KIRREL3: variants seen among roughly 807,000 people sequenced by gnomAD.
The protein encoded by KIRREL3 is kin of IRRE-like protein 3.
KIRREL3 carries 36 observed loss-of-function variants against 89.7 expected under a neutral mutation model. That is an observed-to-expected ratio of 0.40 (90% CI 0.31 to 0.53). The LOEUF is 0.53. Among genes scored for constraint, KIRREL3 ranks in the 20% least tolerant of loss-of-function variants. The pLI, the probability that KIRREL3 is intolerant of heterozygous loss-of-function variation, is 0.49. For synonymous variants in KIRREL3, 445 were observed against 441.4 expected (o/e 1.01, Z -0.10); for missense variants, 864 against 1,056.6 (o/e 0.82, Z 2.53).
chr11:126,901,175 T>G (rs779839710), intron 1 of KIRREL3, among the ~76,000 whole-genome samples: 1 of 149,700 alleles, frequency 6.7e-6, no homozygotes, highest in Non-Finnish European at 1.5e-5. Context: ...GATCGCACCA[T>G]TGCATTTCAG....
rs115738656 is a variant in KIRREL3, at chr11:126,933,372, T to C, written c.55+67083A>G. Reference sequence around the variant, plus strand: ...TCCCTGGTCCCTTCTGTCATTCTAGTCCCTATTTGTAAGCCCTTCCTCCTT... The same window carrying C: ...TCCCTGGTCCCTTCTGTCATTCTAGCCCCTATTTGTAAGCCCTTCCTCCTT... On this transcript the variant is annotated intron_variant, in intron 1 of 16. Transcript: ENST00000525144. Among the ~76,000 whole-genome samples the C allele has an allele frequency of 3.6e-3, 543 of 151,966 alleles. 2 individuals carry two copies. Among genetic ancestry groups the C allele is most frequent in the African/African-American group, 0.013 (521 of 41,418 alleles).
intron 1 of KIRREL3, among the ~76,000 whole-genome samples, chr11:126,951,940 A>G (rs1446442436): frequency 1.3e-5 from 2 of 152,240 alleles, no homozygotes; most frequent in Admixed American, 6.5e-5. Context: ...GGAAAGGGAA[A>G]GAAGAATGGA....
chr11:126,488,450 T>G (rs2134328150), intron 4 of KIRREL3, among the ~76,000 whole-genome samples: 1 of 152,338 alleles, frequency 6.6e-6, no homozygotes, highest in East Asian at 1.9e-4. Context: ...GAAGATGTAG[T>G]AGGTCCGCAG....
Position 126,788,521 on chromosome 11 carries a change from G to A in KIRREL3, c.55+211934C>T, listed in dbSNP as rs746722843. On this transcript the variant is annotated intron_variant, in intron 1 of 16. Transcript: ENST00000525144. The surrounding 1 kb of genome is among the most constrained non-coding windows in gnomAD (Gnocchi z 4.1). Reference sequence around the variant, plus strand: ...GGGAACAGTGCAGCCACTTCTCAGGGTATCCACCTGGAGAGAAGCCTGCAG... The same window carrying A: ...GGGAACAGTGCAGCCACTTCTCAGGATATCCACCTGGAGAGAAGCCTGCAG... Among the ~76,000 whole-genome samples the A allele has an allele frequency of 1.4e-4, 22 of 152,206 alleles. No individual in the cohort carries two copies. Among genetic ancestry groups the A allele is most frequent in the Non-Finnish European group, 2.9e-4 (20 of 68,040 alleles).
intron 1 of KIRREL3, among the ~76,000 whole-genome samples, chr11:126,790,720 C>A (rs1462955190): frequency 6.6e-6 from 1 of 152,100 alleles, no homozygotes; most frequent in South Asian, 2.1e-4. Context: ...GATTTCCAAC[C>A]CTAATCGCAG....
Position 126,724,273 on chromosome 11 carries a change from G to C in KIRREL3, c.56-161361C>G, listed in dbSNP as rs1948290877. 6.6e-6 allele frequency among the ~76,000 whole-genome samples: 1 copy of C among 152,184 alleles called. No individual in the cohort carries two copies. Among genetic ancestry groups the C allele is most frequent in the South Asian group, 2.1e-4 (1 of 4,832 alleles). ...TTCTGATTCCTGTCTCCTGCAGGTT[G>C]GTTCATTTTCTTTCAAACACCTGTG... On this transcript the variant is annotated intron_variant, in intron 1 of 16. Coordinates refer to ENST00000525144, the MANE Select transcript of KIRREL3 (RefSeq NM_032531.4). This position sits in a 1 kb window ranked among gnomAD's most constrained non-coding sequence, Gnocchi z 4.3.
chr11:126,716,859 CT>C (rs1947986962), intron 1 of KIRREL3, among the ~76,000 whole-genome samples: 2 of 151,966 alleles, frequency 1.3e-5, no homozygotes, highest in South Asian at 4.2e-4. Context: ...CAGTGGGTGC[CT>C]GTTTTGTTTC....
intron 1 of KIRREL3, among the ~76,000 whole-genome samples, chr11:126,921,747 T>TTCTATCTATCTA (rs201000548): frequency 7.4e-6 from 1 of 134,904 alleles, no homozygotes; most frequent in Admixed American, 7.4e-5. Context: ...TATATCTGTC[T>TTCTATCTATCTA]TCTATCTATC....
chr11:126,727,864 G>C (rs1373334667), intron 1 of KIRREL3, among the ~76,000 whole-genome samples: 1 of 152,164 alleles, frequency 6.6e-6, no homozygotes, highest in Non-Finnish European at 1.5e-5. Context: ...AGACCTGGGA[G>C]AGACATCTGC....
rs1947447203 is a variant in KIRREL3 at position 126,923,149 on chromosome 11, CT to C, written c.55+77305del. Among the ~76,000 whole-genome samples the C allele has an allele frequency of 2.2e-4, 4 of 18,438 alleles. 1 individual carries two copies. The highest frequency in any genetic ancestry group is 3.0e-4 in the Non-Finnish European group (3 of 9,884). The allele number at this position is 18,438 out of a possible 152,430, so 12.1% of individuals were successfully genotyped here. A position where few individuals can be genotyped will look rare whatever the true frequency, so the allele number is the denominator to read the frequency against. On this transcript the variant is annotated intron_variant, in intron 1 of 16. Coordinates refer to ENST00000525144, the MANE Select transcript of KIRREL3 (RefSeq NM_032531.4). Reference sequence around the variant, plus strand: ...TTCTTCTCTTCTTCTTCTTCTTCTTCTTCTTCTTCTTCTTCTTCTTCTTCTT... The same window carrying C: ...TTCTTCTCTTCTTCTTCTTCTTCTTCTCTTCTTCTTCTTCTTCTTCTTCTT...
chr11:126,663,584 C>A (rs1251882450), intron 1 of KIRREL3, among the ~76,000 whole-genome samples: 3 of 152,294 alleles, frequency 2.0e-5, no homozygotes, highest in East Asian at 3.9e-4. Context: ...ATTAAAACAT[C>A]TCATGGAAGC....
chr11:126,613,790 A>G (rs1365098192), intron 1 of KIRREL3, among the ~76,000 whole-genome samples: 1 of 152,002 alleles, frequency 6.6e-6, no homozygotes, highest in East Asian at 1.9e-4. Context: ...TCACATTGGG[A>G]ACGAAAACCC....
At chr11:126,494,532 T>TC (rs1276192642) in intron 4 of KIRREL3, among the ~76,000 whole-genome samples, 5 of 152,272 alleles carry the variant, frequency 3.3e-5, no homozygotes, top group African/African-American at 1.2e-4. Flanking sequence ...ATGGATTTTT[T>TC]CACATTCATT....
At position 126,501,778 on chromosome 11, in the gene KIRREL3, C is replaced by A. The variant is rs11600591; in HGVS notation, c.433+19537G>T. Among the ~76,000 whole-genome samples, 1 of 152,208 alleles carries A rather than the reference C, an allele frequency of 6.6e-6. No homozygotes were observed. Among genetic ancestry groups the A allele is most frequent in the African/African-American group, 2.4e-5 (1 of 41,448 alleles). On this transcript the variant is annotated intron_variant, in intron 4 of 16. Transcript: ENST00000525144. This position sits in a 1 kb window ranked among gnomAD's most constrained non-coding sequence, Gnocchi z 5.8. ...TCTGCCTGCCTTTGCCTCCTTTTCC[C>A]GCTTCTGTTCCTAGTTCAACCCCCA...
rs183691163 is a variant in KIRREL3 at position 126,917,406 on chromosome 11, A to T, written c.55+83049T>A. On this transcript the variant is annotated intron_variant, in intron 1 of 16. Coordinates refer to ENST00000525144, the MANE Select transcript of KIRREL3 (RefSeq NM_032531.4). The surrounding 1 kb of genome is among the most constrained non-coding windows in gnomAD (Gnocchi z 5.0). ...GATGGTTGCACAACATTGTCAATAT[A>T]GTTAATGCCACTAAACCGTATACTT... Among the ~76,000 whole-genome samples, 12 of 152,356 alleles carry T rather than the reference A, an allele frequency of 7.9e-5. No homozygotes were observed. The East Asian group carries it at 2.3e-3, about 29-fold the overall frequency.
Position 126,427,291 on chromosome 11 carries a change from A to G in KIRREL3, c.1807-1567T>C, listed in dbSNP as rs1954980746. On this transcript the variant is annotated intron_variant, in intron 15 of 16. Coordinates refer to ENST00000525144, the MANE Select transcript of KIRREL3 (RefSeq NM_032531.4). The surrounding 1 kb of genome is among the most constrained non-coding windows in gnomAD (Gnocchi z 5.3). ...CCCTGTGTTAGGCCCCAGGGGAAAT[A>G]GATGAGCGTAGACTCAGAAACATGA... 6.6e-6 allele frequency among the ~76,000 whole-genome samples: 1 copy of G among 152,224 alleles called. No individual in the cohort carries two copies. The highest frequency in any genetic ancestry group is 1.5e-5 in the Non-Finnish European group (1 of 68,044).
chr11:126,687,740 C>T lies in KIRREL3; in HGVS notation c.56-124828G>A. 6.6e-6 allele frequency among the ~76,000 whole-genome samples: 1 copy of T among 152,122 alleles called. No individual in the cohort carries two copies. Among genetic ancestry groups the T allele is most frequent in the East Asian group, 1.9e-4 (1 of 5,194 alleles). Reference sequence around the variant, plus strand: ...ATACAAAGATAAGTGCTCTGAGGCCCCTATTCTCAGAGTGCTCAGTCCAGT... The same window carrying T: ...ATACAAAGATAAGTGCTCTGAGGCCTCTATTCTCAGAGTGCTCAGTCCAGT... On this transcript the variant is annotated intron_variant, in intron 1 of 16. Transcript: ENST00000525144. The surrounding 1 kb of genome is among the most constrained non-coding windows in gnomAD (Gnocchi z 4.6).
intron 4 of KIRREL3, among the ~76,000 whole-genome samples, chr11:126,512,761 G>A (rs1017729010): frequency 6.6e-5 from 10 of 152,176 alleles, no homozygotes; most frequent in Non-Finnish European, 1.5e-4. Context: ...CAGCTGAAGG[G>A]TATATTATCC....
intron 1 of KIRREL3, among the ~76,000 whole-genome samples, chr11:126,580,077 C>A (rs914640009): frequency 1.3e-5 from 2 of 152,128 alleles, no homozygotes; most frequent in Non-Finnish European, 2.9e-5. Context: ...GATCTCCTGA[C>A]CTCGTGATCC....
Sources: gnomAD v4.1 joint callset for allele counts (sites outside exome capture counted in the v4.1 genomes callset) on GRCh38, gnomAD v4.1.1 for gene constraint, Gnocchi (gnomAD v3.1) non-coding constraint, MANE v1.5 for transcripts, NCBI Gene and HGNC (gene_info 2026-07-23, HGNC 2026-07-21) for gene names.